The following EHHADH variants were observed in gnomAD, a reference collection of about 807,000 sequenced individuals.
EHHADH encodes the protein peroxisomal bifunctional enzyme.
EHHADH carries 48 observed loss-of-function variants against 64.4 expected under a neutral mutation model. That is an observed-to-expected ratio of 0.75 (90% CI 0.59 to 0.95). EHHADH has a LOEUF of 0.95. EHHADH is among the 40% of genes least tolerant of loss of function. The probability of loss-of-function intolerance (pLI) is 0.00; values close to 1 mark genes in which losing one functional copy is unlikely to be tolerated. For synonymous variants in EHHADH, 308 were observed against 326.7 expected, an observed-to-expected ratio of 0.94 and a Z score of 0.62; for missense variants, 854 against 876.6, an observed-to-expected ratio of 0.97 and a Z score of 0.33.
chr3:185,219,571 C>T (rs1050150604), intron 4 of EHHADH, among the ~76,000 whole-genome samples: 1 of 152,210 alleles, frequency 6.6e-6, no homozygotes, highest in Non-Finnish European at 1.5e-5. Flanking sequence ...GACAGTTCTT[C>T]ACCAGTTGTA....
chr3:185,235,253 C>T, intron 3 of EHHADH, 37 bp downstream of exon 3: 1 of 1,546,078 alleles, frequency 6.5e-7, no homozygotes, highest in Non-Finnish European at 8.7e-7. Context: ...AAGAAAAGCC[C>T]CACACACCAG....
intron 5 of EHHADH, among the ~76,000 whole-genome samples, chr3:185,215,912 T>C (rs2108636107): frequency 6.6e-6 from 1 of 152,254 alleles, no homozygotes; most frequent in East Asian, 1.9e-4. Flanking sequence ...TGTACATTTA[T>C]ATTCTACACA....
chr3:185,228,257 A>AAATATATATAT (rs1367786172), intron 4 of EHHADH, among the ~76,000 whole-genome samples: 20 of 22,000 alleles, frequency 9.1e-4, no homozygotes, highest in African/African-American at 1.8e-3. Context: ...AAAAAAAAAA[A>AAATATATATAT]ATATATATAT....
chr3:185,226,305 T>C (rs1007059152), intron 4 of EHHADH, among the ~76,000 whole-genome samples: 3 of 152,196 alleles, frequency 2.0e-5, no homozygotes, highest in African/African-American at 7.2e-5. Flanking sequence ...GGAAGCCTCC[T>C]GCCAAGGTCA....
intron 5 of EHHADH, among the ~76,000 whole-genome samples, chr3:185,217,576 A>C (rs1577363271): frequency 1.5e-5 from 2 of 133,486 alleles, no homozygotes; most frequent in African/African-American, 2.8e-5. Flanking sequence ...AGAGTTTGGG[A>C]CCTCCACACT....
intron 2 of EHHADH, among the ~76,000 whole-genome samples, chr3:185,243,366 T>A (rs969229663): frequency 5.3e-5 from 8 of 152,214 alleles, no homozygotes; most frequent in African/African-American, 1.7e-4. Context: ...AGAGCTGCAA[T>A]CTAGTCTGTG....
intron 5 of EHHADH, among the ~76,000 whole-genome samples, chr3:185,212,301 G>C (rs1279914296): frequency 6.6e-6 from 1 of 152,202 alleles, no homozygotes; most frequent in Non-Finnish European, 1.5e-5. Context: ...AGTCTGGGAG[G>C]CTTCATAGAA....
chr3:185,207,756 G>A (rs1359077506), intron 5 of EHHADH, among the ~76,000 whole-genome samples: 1 of 152,108 alleles, frequency 6.6e-6, no homozygotes, highest in African/African-American at 2.4e-5. Flanking sequence ...AAATAATTTC[G>A]GATGATTTAA....
At chr3:185,204,809 G>A in intron 5 of EHHADH, 52 bp from the exon 6 acceptor site, 4 of 1,416,030 alleles carry the variant, frequency 2.8e-6, no homozygotes, top group Non-Finnish European at 3.9e-6. Flanking sequence ...TGTACAAAGG[G>A]AATGTGAATA....
intron 4 of EHHADH, among the ~76,000 whole-genome samples, chr3:185,223,900 G>A (rs1359284387): frequency 1.3e-5 from 2 of 152,192 alleles, no homozygotes; most frequent in Non-Finnish European, 2.9e-5. Context: ...GAACATCAGC[G>A]AACGAACTGC....
chr3:185,246,254 G>A (rs1298787436), intron 2 of EHHADH: 91 of 876,672 alleles, frequency 1.0e-4, no homozygotes, highest in Non-Finnish European at 1.3e-5. Flanking sequence ...CAGAAGCATC[G>A]TTTTTCCTAC....
chr3:185,240,103 C>T (rs79080257), intron 2 of EHHADH, among the ~76,000 whole-genome samples: 3,407 of 151,868 alleles, frequency 0.022, 44 homozygotes, highest in Non-Finnish European at 0.036. Context: ...AGAAACCCTG[C>T]AATAAAGCCC....
chr3:185,202,181 T>C (rs1718248129), intron 6 of EHHADH, among the ~76,000 whole-genome samples: 1 of 151,912 alleles, frequency 6.6e-6, no homozygotes, highest in Admixed American at 6.6e-5. Flanking sequence ...CTACTAAAAA[T>C]ACAAAAATCA....
chr3:185,206,839 GA>G (rs368935039), intron 5 of EHHADH, among the ~76,000 whole-genome samples: 16 of 132,728 alleles, frequency 1.2e-4, no homozygotes, highest in East Asian at 6.6e-4. Flanking sequence ...AAAAAAAACA[GA>G]AAAAAAAAAA....
chr3:185,220,695 T>C (rs1249427189), intron 4 of EHHADH, among the ~76,000 whole-genome samples: 2 of 152,220 alleles, frequency 1.3e-5, no homozygotes, highest in Non-Finnish European at 2.9e-5. Flanking sequence ...AAAATTGTTT[T>C]TTCTTATGAC....
At chr3:185,195,889 A>G (rs529479679) in intron 6 of EHHADH, among the ~76,000 whole-genome samples, 2 of 152,354 alleles carry the variant, frequency 1.3e-5, no homozygotes, top group African/African-American at 4.8e-5. Context: ...ACATACACCC[A>G]TGTAACAAAC....
rs115282042 is a variant in EHHADH at position 185,195,556 on chromosome 3, A to G, written c.911-2069T>C. ...ATGTCCACATAAAGCTTGTACATGA[A>G]TGTTCAGTAGCAGCATTATTCAAAA... is the stretch of plus-strand genomic sequence containing the variant. On this transcript the variant is annotated intron_variant, in intron 6 of 6. Coordinates refer to ENST00000231887, the MANE Select transcript of EHHADH (RefSeq NM_001966.4). 4.7e-3 allele frequency among the ~76,000 whole-genome samples: 709 copies of G among 152,368 alleles called. 10 individuals carry two copies. The highest frequency in any genetic ancestry group is 0.016 in the African/African-American group (681 of 41,578).
intron 6 of EHHADH, among the ~76,000 whole-genome samples, chr3:185,200,960 A>G (rs542676765): frequency 3.1e-4 from 47 of 152,288 alleles, no homozygotes; most frequent in Non-Finnish European, 3.7e-4. Flanking sequence ...TTGGCCCGAG[A>G]GTGGCTGAAA....
intron 4 of EHHADH, among the ~76,000 whole-genome samples, chr3:185,221,675 C>G (rs1403589457): frequency 6.8e-6 from 1 of 147,128 alleles, no homozygotes; most frequent in Non-Finnish European, 1.5e-5. Context: ...TGGGTTCAAG[C>G]GATTTTCCTG....
Sources: allele counts gnomAD v4.1 joint callset (sites outside exome capture counted in the v4.1 genomes callset), GRCh38; gene constraint gnomAD v4.1.1; transcripts MANE v1.5; gene names NCBI Gene and HGNC (gene_info 2026-07-23, HGNC 2026-07-21).